The following SEMA6B variants were observed in gnomAD, a reference collection of about 807,000 sequenced individuals.
The protein encoded by SEMA6B is semaphorin-6B.
SEMA6B carries 47 observed loss-of-function variants against 78.6 expected under a neutral mutation model. The observed-to-expected ratio is 0.60, with a 90% CI of 0.47 to 0.76. The LOEUF (loss-of-function observed/expected upper bound fraction) is 0.76. SEMA6B is among the 30% of genes least tolerant of loss of function. The pLI is 0.00. For missense variants in SEMA6B, 1,213 were observed against 1,269.9 expected (o/e 0.96, Z 0.68); for synonymous variants, 632 against 592.2 (o/e 1.07, Z -0.98).
intron 8 of SEMA6B, 30 bp from the exon 9 acceptor site, chr19:4,554,506 C>T (rs1406177413): frequency 1.9e-6 from 3 of 1,570,130 alleles, no homozygotes; most frequent in East Asian, 2.2e-5. Context: ...AGAACTCAGC[C>T]CCTGACATGA....
At position 4,558,090 on chromosome 19, in the gene SEMA6B, C is replaced by G; in HGVS notation, c.181G>C (p.Gly61Arg). The change falls in exon 3 of 17, where the codon GGT becomes CGT. Residue 61 changes from glycine to arginine, a missense_variant. Gly to Arg is a moderately radical substitution (Grantham distance 125). Coordinates refer to ENST00000586582, the MANE Select transcript of SEMA6B (RefSeq NM_032108.4). This position sits in a 1 kb window ranked among gnomAD's most constrained non-coding sequence, Gnocchi z 5.1. ...SGPGRLTPAE[G>R]ADDLNIQRVL... ...CGCTGGATGTTGAGGTCGTCAGCAC[C>G]TTCTGCGGGGGTCAGGCGTCCGGGC... is the stretch of plus-strand genomic sequence containing the variant. 1 of 1,527,098 alleles carries G rather than the reference C, an allele frequency of 6.5e-7. No homozygotes were observed. The highest frequency in any genetic ancestry group is 1.9e-5 in the Admixed American group (1 of 52,554). The allele number at this position is 1,527,098 out of a possible 1,614,324, so 94.6% of individuals were successfully genotyped here. A position where few individuals can be genotyped will look rare whatever the true frequency, so the allele number is the denominator to read the frequency against.
Position 4,543,314 on chromosome 19 carries a change from A to G in SEMA6B, c.*287T>C. On this transcript the variant is annotated 3_prime_UTR_variant, in exon 17 of 17. Transcript: ENST00000586582. ...TTAGAAAACCGCAAAAGAAACCAAA[A>G]CTGCAAAAAAAACCAAAACCTACGC... The G allele has an allele frequency of 2.2e-6, 1 of 459,080 alleles. No homozygotes were observed. The allele number at this position is 459,080 out of a possible 1,614,324, so 28.4% of individuals were successfully genotyped here.
chr19:4,544,533 G>A lies in SEMA6B; in HGVS notation c.1739-4C>T. 1 of 1,507,168 alleles carries A rather than the reference G, an allele frequency of 6.6e-7. No homozygotes were observed. Among genetic ancestry groups the A allele is most frequent in the Non-Finnish European group, 8.9e-7 (1 of 1,123,390 alleles). The allele number at this position is 1,507,168 out of a possible 1,614,324, so 93.4% of individuals were successfully genotyped here. A position where few individuals can be genotyped will look rare whatever the true frequency, so the allele number is the denominator to read the frequency against. Reference sequence around the variant, plus strand: ...GAGAGGCTGGCCCGCAGGAGTCCTGGCCGGGGAGCACAGGGGGGTTAGTGG... The same window carrying A: ...GAGAGGCTGGCCCGCAGGAGTCCTGACCGGGGAGCACAGGGGGGTTAGTGG... On this transcript the variant is annotated splice_polypyrimidine_tract_variant and splice_region_variant and intron_variant, in intron 16 of 16. Coordinates refer to ENST00000586582, the MANE Select transcript of SEMA6B (RefSeq NM_032108.4). This position sits in a 1 kb window ranked among gnomAD's most constrained non-coding sequence, Gnocchi z 5.1.
At chr19:4,551,624 G>GT (rs1977334678) in intron 10 of SEMA6B, among the ~76,000 whole-genome samples, 1 of 151,660 alleles carries the variant, frequency 6.6e-6, no homozygotes, top group Admixed American at 6.6e-5. Context: ...GAGGTCAGGA[G>GT]TTTGAGTCCA....
In SEMA6B at chr19:4,555,461, G is replaced by T. The variant is rs370410530; in HGVS notation, c.562+13C>A. On this transcript the variant is annotated intron_variant, in intron 7 of 16. Coordinates refer to ENST00000586582, the MANE Select transcript of SEMA6B (RefSeq NM_032108.4). This position sits in a 1 kb window ranked among gnomAD's most constrained non-coding sequence, Gnocchi z 6.1. ...GCTGGGGCTGATCAGATGGAGGTTG[G>T]GGGGGTACTTACCAGAGAAGAGGGC... The T allele has an allele frequency of 2.4e-5, 39 of 1,607,354 alleles. No homozygotes were observed. In the African/African-American group the frequency reaches 3.2e-4, roughly 13 times the overall value.
Position 4,543,684 on chromosome 19 carries a change from C to T in SEMA6B, c.2584G>A (p.Gly862Ser). 1.6e-6 allele frequency: 2 copies of T among 1,230,346 alleles called. No homozygotes were observed. Among genetic ancestry groups the T allele is most frequent in the Non-Finnish European group, 2.0e-6 (2 of 987,016 alleles). 76.2% of individuals were successfully genotyped at this position (1,230,346 alleles called of 1,614,324 possible). A position where few individuals can be genotyped will look rare whatever the true frequency, so the allele number is the denominator to read the frequency against. The change falls in exon 17 of 17, where the codon GGC (glycine) becomes AGC (serine). Residue 862 changes from glycine (G) to serine (S), a missense_variant. Coordinates refer to ENST00000586582, the MANE Select transcript of SEMA6B (RefSeq NM_032108.4). ...TCTGTGCCCGGCCGGGCGTGGCAGCCGCGGTGGCGGTCCCCAGGCCGGGCC... is the reference window on the plus strand; with the variant it reads ...TCTGTGCCCGGCCGGGCGTGGCAGCTGCGGTGGCGGTCCCCAGGCCGGGCC... ...GEARPGDRHR[G>S]CHARPGTDLA...
chr19:4,552,430 G>C lies in SEMA6B; in HGVS notation c.981C>G (p.Pro327=). ...RPVVLAVFST[P]SNSIPGSAVC... Reference sequence around the variant, plus strand: ...CATTGGTGGGCGCTGACCTGTTGCTGGGCGTGGAAAAAACGGCCAGGACCA... The same window carrying C: ...CATTGGTGGGCGCTGACCTGTTGCTCGGCGTGGAAAAAACGGCCAGGACCA... The change falls in exon 10 of 17, where the codon CCC becomes CCG. Residue 327 remains proline, a synonymous_variant. Coordinates refer to ENST00000586582, the MANE Select transcript of SEMA6B (RefSeq NM_032108.4). This position sits in a 1 kb window ranked among gnomAD's most constrained non-coding sequence, Gnocchi z 7.4. 6.3e-7 allele frequency: 1 copy of C among 1,582,096 alleles called. No homozygotes were observed.
chr19:4,544,556 TG>T lies in SEMA6B; in HGVS notation c.1739-28del. 7.0e-7 allele frequency: 1 copy of T among 1,435,266 alleles called. No individual in the cohort carries two copies. 88.9% of individuals were successfully genotyped at this position (1,435,266 alleles called of 1,614,324 possible). A position where few individuals can be genotyped will look rare whatever the true frequency, so the allele number is the denominator to read the frequency against. On this transcript the variant is annotated intron_variant, in intron 16 of 16. Coordinates refer to ENST00000586582, the MANE Select transcript of SEMA6B (RefSeq NM_032108.4). The surrounding 1 kb of genome is among the most constrained non-coding windows in gnomAD (Gnocchi z 5.1). ...TGGCCGGGGAGCACAGGGGGGTTAGTGGGGCCGGCGGGGTGGCCCTGGGCAT... is the reference window on the plus strand; with the variant it reads ...TGGCCGGGGAGCACAGGGGGGTTAGTGGGCCGGCGGGGTGGCCCTGGGCAT...
rs1298436714 is a variant in SEMA6B, at chr19:4,548,511, G to GGCCATA, written c.1272-72_1272-67dup. The GGCCATA allele has an allele frequency of 6.8e-6, 10 of 1,472,648 alleles. No individual in the cohort carries two copies. In the African/African-American group the frequency reaches 8.3e-5, roughly 12 times the overall value. The allele number at this position is 1,472,648 out of a possible 1,614,324, so 91.2% of individuals were successfully genotyped here. On this transcript the variant is annotated intron_variant, in intron 12 of 16. Coordinates refer to ENST00000586582, the MANE Select transcript of SEMA6B (RefSeq NM_032108.4). ...CACCACATGCCACCAACACGGGCAT[G>GGCCATA]GCCATAGTTACACGGGTGCATACAG...
chr19:4,555,608 C>A lies in SEMA6B; in HGVS notation c.472-44G>T, dbSNP rs2145357759. On this transcript the variant is annotated intron_variant, in intron 6 of 16. Transcript: ENST00000586582. The surrounding 1 kb of genome is among the most constrained non-coding windows in gnomAD (Gnocchi z 6.1). ...CTGAGTGACAGATCTCCTGACCCCA[C>A]CTAGCAGCCCCTGGCTCCCTCAGCC... 1 of 1,499,412 alleles carries A rather than the reference C, an allele frequency of 6.7e-7. No individual in the cohort carries two copies. The highest frequency in any genetic ancestry group is 9.2e-7 in the Non-Finnish European group (1 of 1,085,590). The allele number at this position is 1,499,412 out of a possible 1,614,324, so 92.9% of individuals were successfully genotyped here. A position where few individuals can be genotyped will look rare whatever the true frequency, so the allele number is the denominator to read the frequency against.
intron 8 of SEMA6B, 73 bp from the exon 9 acceptor site, chr19:4,554,549 G>T: frequency 8.5e-7 from 1 of 1,173,766 alleles, no homozygotes; most frequent in Non-Finnish European, 1.3e-6. Flanking sequence ...GAACTCACTG[G>T]CTTTTATGGT....
intron 10 of SEMA6B, among the ~76,000 whole-genome samples, chr19:4,551,235 T>G (rs930397370): frequency 6.6e-6 from 1 of 151,054 alleles, no homozygotes; most frequent in Non-Finnish European, 1.5e-5. Flanking sequence ...TTTTTTTTTT[T>G]TGGAGACCGA....
chr19:4,555,353 T>G lies in SEMA6B; in HGVS notation c.562+121A>C. 1.1e-6 allele frequency: 1 copy of G among 919,682 alleles called. No individual in the cohort carries two copies. Among genetic ancestry groups the G allele is most frequent in the Non-Finnish European group, 1.7e-6 (1 of 605,746 alleles). The allele number at this position is 919,682 out of a possible 1,614,324, so 57.0% of individuals were successfully genotyped here. ...CAAACCTGGGCTGAGAGTCTGCCCA[T>G]GTCACAGCTGGGACAAGTGGTCGTC... is the stretch of plus-strand genomic sequence containing the variant. On this transcript the variant is annotated intron_variant, in intron 7 of 16. Coordinates refer to ENST00000586582, the MANE Select transcript of SEMA6B (RefSeq NM_032108.4). This position sits in a 1 kb window ranked among gnomAD's most constrained non-coding sequence, Gnocchi z 6.1.
At position 4,552,410 on chromosome 19, in the gene SEMA6B, G is replaced by T; in HGVS notation, c.989+12C>A. The T allele has an allele frequency of 6.4e-7, 1 of 1,562,776 alleles. No homozygotes were observed. The highest frequency in any genetic ancestry group is 8.7e-7 in the Non-Finnish European group (1 of 1,153,706). On this transcript the variant is annotated intron_variant, in intron 10 of 16. Transcript: ENST00000586582. The surrounding 1 kb of genome is among the most constrained non-coding windows in gnomAD (Gnocchi z 7.4). ...AAATGCTCCCAGTTTGCTCCCATTG[G>T]TGGGCGCTGACCTGTTGCTGGGCGT...
chr19:4,547,020 C>G (rs879599357), intron 14 of SEMA6B, among the ~76,000 whole-genome samples: 1 of 151,782 alleles, frequency 6.6e-6, no homozygotes, highest in African/African-American at 2.4e-5. Context: ...AGTACAGTGT[C>G]ATGATCATAG....
chr19:4,549,299 CTT>C (rs55771429), intron 12 of SEMA6B, among the ~76,000 whole-genome samples: 8 of 98,586 alleles, frequency 8.1e-5, no homozygotes, highest in East Asian at 3.5e-4. Flanking sequence ...CTGTCTACCT[CTT>C]TTTTTTTTTT....
At position 4,552,666 on chromosome 19, in the gene SEMA6B, G is replaced by T. The variant is rs1871934275; in HGVS notation, c.772-27C>A. 1.3e-6 allele frequency: 2 copies of T among 1,566,836 alleles called. No homozygotes were observed. The highest frequency in any genetic ancestry group is 3.5e-5 in the Admixed American group (2 of 57,076). On this transcript the variant is annotated intron_variant, in intron 9 of 16. Coordinates refer to ENST00000586582, the MANE Select transcript of SEMA6B (RefSeq NM_032108.4). This position sits in a 1 kb window ranked among gnomAD's most constrained non-coding sequence, Gnocchi z 7.4. ...TGGGCGTGACAGTGGACGGACGGGG[G>T]CCTGAGCTCTGTGTCCCAGGAAGGC...
In SEMA6B at chr19:4,548,314, G is replaced by A. The variant is rs765682918; in HGVS notation, c.1403C>T (p.Thr468Met). Reference protein sequence around the residue: ...LVRPNASTSGTSGLSVFLEEF... With the variant: ...LVRPNASTSGMSGLSVFLEEF... ...CTCCAGGAAGACACTGAGCCCAGAC[G>A]TCCCTGAGGTGCTGGCATTGGGCCG... The change falls in exon 13 of 17, where the codon ACG becomes ATG. Residue 468 changes from threonine (T) to methionine (M), a missense_variant. Coordinates refer to ENST00000586582, the MANE Select transcript of SEMA6B (RefSeq NM_032108.4). 8.7e-6 allele frequency: 14 copies of A among 1,613,840 alleles called. No homozygotes were observed. Among genetic ancestry groups the A allele is most frequent in the Admixed American group, 5.0e-5 (3 of 60,026 alleles).
At chr19:4,549,513 C>T (rs770338328) in intron 12 of SEMA6B, among the ~76,000 whole-genome samples, 2 of 148,026 alleles carry the variant, frequency 1.4e-5, no homozygotes, top group African/African-American at 5.1e-5. Flanking sequence ...GAGTTTCGCT[C>T]TTTCGCCCAG....
Sources: allele counts gnomAD v4.1 joint callset (sites outside exome capture counted in the v4.1 genomes callset), GRCh38; gene constraint gnomAD v4.1.1; non-coding constraint Gnocchi (gnomAD v3.1); transcripts MANE v1.5; gene names NCBI Gene and HGNC (gene_info 2026-07-23, HGNC 2026-07-21).